Variants in MDGA2 observed in about 807,000 individuals in gnomAD.
MDGA2 encodes MAM domain-containing glycosylphosphatidylinositol anchor protein 2.
A neutral mutation model predicts 117.8 loss-of-function variants in MDGA2; 40 were observed. The observed-to-expected ratio is 0.34, with a 90% CI of 0.26 to 0.44. The LOEUF is 0.44. Ranked by LOEUF, MDGA2 falls within the 20% of genes least tolerant of loss-of-function variation. The pLI is 1.00. For missense variants in MDGA2, 1,123 were observed against 1,250.6 expected, an observed-to-expected ratio of 0.90 and a Z score of 1.54; for synonymous variants, 452 against 439.0, an observed-to-expected ratio of 1.03 and a Z score of -0.37.
At chr14:47,005,869 G>A (rs1247398256) in intron 8 of MDGA2, among the ~76,000 whole-genome samples, 1 of 151,480 alleles carries the variant, frequency 6.6e-6, no homozygotes, top group Non-Finnish European at 1.5e-5. Context: ...GCCACGTGTA[G>A]TATTTTTAAA....
At chr14:47,055,623 C>A (rs1889647742) in intron 7 of MDGA2, among the ~76,000 whole-genome samples, 1 of 151,906 alleles carries the variant, frequency 6.6e-6, no homozygotes, top group Admixed American at 6.6e-5. Flanking sequence ...GCTAGTAAGC[C>A]CATGAGGTTT....
chr14:47,508,052 T>A (rs556588609), intron 1 of MDGA2, among the ~76,000 whole-genome samples: 1 of 152,252 alleles, frequency 6.6e-6, no homozygotes, highest in Non-Finnish European at 1.5e-5. Flanking sequence ...AATGGCTCTA[T>A]TTGTTAGGAA....
At chr14:47,503,140 C>T (rs527372500) in intron 1 of MDGA2, among the ~76,000 whole-genome samples, 73 of 152,194 alleles carry the variant, frequency 4.8e-4, no homozygotes, top group African/African-American at 1.7e-3. Context: ...GTATGGACTG[C>T]AATGAGACAA....
At chr14:47,305,188 C>T (rs1428974582) in intron 1 of MDGA2, 1 of 152,146 alleles carries the variant, frequency 6.6e-6, no homozygotes, top group Non-Finnish European at 1.5e-5. Context: ...TATGGCAGTG[C>T]ATTTGCTTAC....
chr14:47,449,178 C>T (rs1893188546), intron 1 of MDGA2, among the ~76,000 whole-genome samples: 1 of 152,108 alleles, frequency 6.6e-6, no homozygotes, highest in South Asian at 2.1e-4. Context: ...AATGTGAAGG[C>T]ATATGGCATT....
chr14:47,038,949 CA>C (rs57534737), intron 7 of MDGA2, among the ~76,000 whole-genome samples: 3,454 of 112,674 alleles, frequency 0.031, 70 homozygotes, highest in Non-Finnish European at 0.036. Flanking sequence ...GACTCCATCT[CA>C]AAAAAAAAAA....
chr14:47,652,393 T>C (rs1358926335), intron 1 of MDGA2, among the ~76,000 whole-genome samples: 3 of 152,284 alleles, frequency 2.0e-5, no homozygotes, highest in African/African-American at 7.2e-5. Context: ...GAACTTTTAC[T>C]ATACATACAT....
intron 1 of MDGA2, among the ~76,000 whole-genome samples, chr14:47,563,766 A>T (rs2138806441): frequency 6.6e-6 from 1 of 151,988 alleles, no homozygotes; most frequent in East Asian, 1.9e-4. Context: ...TTAAAAGTTA[A>T]TATCGATATA....
At chr14:47,591,172 G>A (rs1896432095) in intron 1 of MDGA2, among the ~76,000 whole-genome samples, 1 of 152,054 alleles carries the variant, frequency 6.6e-6, no homozygotes, top group Non-Finnish European at 1.5e-5. Flanking sequence ...TCATCCTTAC[G>A]GCAAAAGAAA....
chr14:47,155,747 A>G lies in MDGA2; in HGVS notation c.596-11473T>C, dbSNP rs553018072. Reference sequence around the variant, plus strand: ...GCCTAACAGGCCGAGAGGGCAAAACAAACCCAGTGAAACTGAGCAAAACTT... The same window carrying G: ...GCCTAACAGGCCGAGAGGGCAAAACGAACCCAGTGAAACTGAGCAAAACTT... On this transcript the variant is annotated intron_variant, in intron 3 of 16. Transcript: ENST00000399232. 1.6e-4 allele frequency among the ~76,000 whole-genome samples: 25 copies of G among 152,160 alleles called. No homozygotes were observed. The South Asian group carries it at 5.0e-3, about 30-fold the overall frequency.
intron 1 of MDGA2, among the ~76,000 whole-genome samples, chr14:47,490,008 G>C (rs1466384162): frequency 6.6e-6 from 1 of 152,046 alleles, no homozygotes; most frequent in Admixed American, 6.6e-5. Flanking sequence ...AAAGAATAAA[G>C]AATGACTATA....
chr14:47,059,283 T>G, intron 7 of MDGA2: 1 of 1,249,468 alleles, frequency 8.0e-7, no homozygotes, highest in South Asian at 1.2e-5. Flanking sequence ...GCTTCCATTC[T>G]ATGGAGAAAC....
At chr14:47,549,473 A>G (rs1895537680) in intron 1 of MDGA2, among the ~76,000 whole-genome samples, 2 of 151,732 alleles carry the variant, frequency 1.3e-5, no homozygotes, top group African/African-American at 4.8e-5. Context: ...CTTAGTCTTC[A>G]TCATTCTTTA....
At chr14:46,973,869 A>G (rs1203453999) in intron 8 of MDGA2, among the ~76,000 whole-genome samples, 1 of 150,814 alleles carries the variant, frequency 6.6e-6, no homozygotes, top group Non-Finnish European at 1.5e-5. Context: ...AACATACTAA[A>G]TCAGTTGCAT....
At chr14:47,576,712 A>G (rs1896121778) in intron 1 of MDGA2, among the ~76,000 whole-genome samples, 1 of 152,156 alleles carries the variant, frequency 6.6e-6, no homozygotes, top group African/African-American at 2.4e-5. Flanking sequence ...TAACTTCTTT[A>G]GCTCATCTCA....
intron 5 of MDGA2, among the ~76,000 whole-genome samples, chr14:47,127,864 A>G (rs201902204): frequency 6.6e-6 from 1 of 152,198 alleles, no homozygotes; most frequent in South Asian, 2.1e-4. Flanking sequence ...CAGGAATTCT[A>G]TCACTTTTCC....
intron 1 of MDGA2, among the ~76,000 whole-genome samples, chr14:47,480,808 G>A (rs534353370): frequency 6.6e-4 from 100 of 151,954 alleles, no homozygotes; most frequent in African/African-American, 2.3e-3. Flanking sequence ...ATGAGATATT[G>A]TAAATTCTTC....
intron 2 of MDGA2, among the ~76,000 whole-genome samples, chr14:47,252,138 C>A (rs1887468479): frequency 6.6e-6 from 1 of 151,956 alleles, no homozygotes; most frequent in Non-Finnish European, 1.5e-5. Flanking sequence ...CTTTATCAGG[C>A]CATTTTACAG....
intron 1 of MDGA2, among the ~76,000 whole-genome samples, chr14:47,582,827 G>C (rs1008354009): frequency 6.6e-6 from 1 of 151,768 alleles, no homozygotes; most frequent in Admixed American, 6.6e-5. Context: ...TGATGATATA[G>C]AATTATTCAA....
Sources: allele counts gnomAD v4.1 joint callset (sites outside exome capture counted in the v4.1 genomes callset), GRCh38; gene constraint gnomAD v4.1.1; transcripts MANE v1.5; gene names NCBI Gene and HGNC (gene_info 2026-07-23, HGNC 2026-07-21).